PRDM11: variants seen among roughly 807,000 people sequenced by gnomAD.
The protein encoded by PRDM11 is PR/SET domain 11, also known as PR domain-containing protein 11.
In PRDM11, 20 loss-of-function variants were observed where a neutral mutation model predicts 97.8. That is an observed-to-expected ratio of 0.20 (90% CI 0.14 to 0.30). The LOEUF is 0.30. Among genes scored for constraint, PRDM11 ranks in the 10% least tolerant of loss-of-function variants. The pLI is 1.00. For synonymous variants in PRDM11, 599 were observed against 637.7 expected, an observed-to-expected ratio of 0.94 and a Z score of 0.91; for missense variants, 1,139 against 1,555.2, an observed-to-expected ratio of 0.73 and a Z score of 4.50.
At chr11:45,203,755 G>T (rs1853413334) in intron 4 of PRDM11, among the ~76,000 whole-genome samples, 1 of 151,916 alleles carries the variant, frequency 6.6e-6, no homozygotes, top group Admixed American at 6.6e-5. Flanking sequence ...CAAGTAGCTG[G>T]GACTACAGGT....
intron 6 of PRDM11, among the ~76,000 whole-genome samples, chr11:45,220,178 C>G (rs3758725): frequency 0.59 from 89,123 of 152,170 alleles, 28,244 homozygotes; most frequent in Non-Finnish European, 0.73. Context: ...AAGGACCCCA[C>G]TCTACCACCG....
At chr11:45,195,434 A>G (rs1853086344) in intron 4 of PRDM11, among the ~76,000 whole-genome samples, 1 of 151,402 alleles carries the variant, frequency 6.6e-6, no homozygotes, top group Admixed American at 6.6e-5. Context: ...GACCCTATGG[A>G]TTTTTCTATT....
intron 1 of PRDM11, among the ~76,000 whole-genome samples, chr11:45,152,720 GT>G (rs1489826040): frequency 2.6e-5 from 4 of 152,238 alleles, no homozygotes; most frequent in African/African-American, 9.6e-5. Context: ...CCATTCTACA[GT>G]TTAGGAAACT....
Position 45,226,757 on chromosome 11 carries a change from G to T in PRDM11, c.2132G>T (p.Arg711Leu). 2 of 1,533,940 alleles carry T rather than the reference G, an allele frequency of 1.3e-6. No homozygotes were observed. The highest frequency in any genetic ancestry group is 1.7e-6 in the Non-Finnish European group (2 of 1,146,732). ...STESYLQALD[R>L]AFSALGIRLQ... ...GAAAGCTATCTCCAGGCACTTGACCGGGCCTTCTCGGCCTTGGGCATCCGG... is the reference window on the plus strand; with the variant it reads ...GAAAGCTATCTCCAGGCACTTGACCTGGCCTTCTCGGCCTTGGGCATCCGG... Residue 711 changes from arginine to leucine, a missense_variant, in exon 8 of 8, where the codon CGG (arginine) becomes CTG (leucine). Arg to Leu is a moderately radical substitution (Grantham distance 102, BLOSUM62 -2). This residue lies in a region of PRDM11 where 710 missense variants were observed against 1,044.9 expected (regional missense o/e 0.68). Coordinates refer to ENST00000683152, the MANE Select transcript of PRDM11 (RefSeq NM_001384648.1).
intron 1 of PRDM11, 62 bp from the exon 2 acceptor site, chr11:45,181,699 C>T: frequency 7.0e-7 from 1 of 1,437,654 alleles, no homozygotes; most frequent in Non-Finnish European, 9.6e-7. Context: ...CTCCGCCGCT[C>T]ACTCCTCTTC....
At chr11:45,209,467 T>C (rs1853638635) in intron 5 of PRDM11, among the ~76,000 whole-genome samples, 1 of 152,200 alleles carries the variant, frequency 6.6e-6, no homozygotes, top group Non-Finnish European at 1.5e-5. Context: ...CCTTTTTGCA[T>C]TCATTCTCGA....
intron 1 of PRDM11, among the ~76,000 whole-genome samples, chr11:45,127,939 C>A (rs1463994301): frequency 6.6e-6 from 1 of 152,226 alleles, no homozygotes; most frequent in Non-Finnish European, 1.5e-5. Context: ...CTTTGCCCTG[C>A]CCCCAGAGGT....
chr11:45,220,898 GT>G (rs748207230), intron 6 of PRDM11, among the ~76,000 whole-genome samples: 1 of 151,676 alleles, frequency 6.6e-6, no homozygotes, highest in Non-Finnish European at 1.5e-5. Flanking sequence ...TTTCAAGGGT[GT>G]TTTTTTTGTT....
chr11:45,176,962 C>T (rs1187141662), intron 1 of PRDM11, among the ~76,000 whole-genome samples: 1 of 152,200 alleles, frequency 6.6e-6, no homozygotes, highest in South Asian at 2.1e-4. Flanking sequence ...AGACCCAGGG[C>T]TTGGGATTCC....
chr11:45,095,897 A>G (rs1185958418), exon 1 of PRDM11: 1 of 780,854 alleles, frequency 1.3e-6, no homozygotes, highest in East Asian at 2.4e-5. Context: ...TACCAGAGAG[A>G]GAAAGTAAGT....
At chr11:45,105,136 C>T (rs1004847190) in intron 1 of PRDM11, among the ~76,000 whole-genome samples, 1 of 152,222 alleles carries the variant, frequency 6.6e-6, no homozygotes. Flanking sequence ...GATGGCACTT[C>T]TTGCTGTATC....
intron 4 of PRDM11, among the ~76,000 whole-genome samples, chr11:45,184,034 A>C (rs1852614025): frequency 6.6e-6 from 1 of 152,232 alleles, no homozygotes; most frequent in South Asian, 2.1e-4. Context: ...GTGAACAACC[A>C]GGGGAGGTAA....
intron 1 of PRDM11, among the ~76,000 whole-genome samples, chr11:45,157,459 T>C (rs944724526): frequency 3.3e-5 from 5 of 152,124 alleles, no homozygotes; most frequent in African/African-American, 1.2e-4. Context: ...CTGCCACTCG[T>C]CTCCTGCTCT....
rs1854281972 is a variant in PRDM11 at position 45,226,657 on chromosome 11, G to A, written c.2032G>A (p.Val678Ile). The A allele has an allele frequency of 2.6e-6, 4 of 1,533,978 alleles. No homozygotes were observed. Among genetic ancestry groups the A allele is most frequent in the African/African-American group, 1.4e-5 (1 of 73,108 alleles). The change falls in exon 8 of 8, where the codon GTT becomes ATT. Residue 678 changes from valine (V) to isoleucine (I), a missense_variant. By Grantham distance (29) the Val-to-Ile change is conservative. Transcript: ENST00000683152. ...DLLADTVAVY[V>I]QYTSSDGPPA... The stretch of plus-strand genomic sequence containing the variant: ...GCTGGCCGACACGGTGGCTGTCTAT[G>A]TTCAGTACACCAGCAGTGATGGGCC...
chr11:45,107,270 C>T (rs1313679381), intron 1 of PRDM11, among the ~76,000 whole-genome samples: 2 of 152,226 alleles, frequency 1.3e-5, no homozygotes, highest in Non-Finnish European at 2.9e-5. Context: ...CACTGGTCTC[C>T]ACCATCTGTG....
chr11:45,185,799 A>G (rs1041791994), intron 4 of PRDM11, among the ~76,000 whole-genome samples: 11 of 152,168 alleles, frequency 7.2e-5, no homozygotes, highest in African/African-American at 2.7e-4. Context: ...TAAATATACT[A>G]TCTTCATGGC....
intron 4 of PRDM11, among the ~76,000 whole-genome samples, chr11:45,187,560 A>G (rs1852749993): frequency 6.6e-6 from 1 of 152,202 alleles, no homozygotes; most frequent in African/African-American, 2.4e-5. Context: ...AGTCACGAGT[A>G]GGCGTGGCCC....
intron 1 of PRDM11, among the ~76,000 whole-genome samples, chr11:45,180,696 C>CGGGCG (rs1852456538): frequency 6.7e-6 from 1 of 149,746 alleles, no homozygotes; most frequent in African/African-American, 2.4e-5. Flanking sequence ...TGGGCAGGGC[C>CGGGCG]GGGCGGGCCG....
chr11:45,161,812 C>G (rs1480527109), intron 1 of PRDM11, among the ~76,000 whole-genome samples: 2 of 152,252 alleles, frequency 1.3e-5, no homozygotes, highest in African/African-American at 4.8e-5. Flanking sequence ...GCTGCCTAAG[C>G]AGCTCCTTGC....
Sources: gnomAD v4.1 joint callset for allele counts (sites outside exome capture counted in the v4.1 genomes callset) on GRCh38, gnomAD v4.1.1 for gene constraint, gnomAD v4.1.1 regional missense constraint, MANE v1.5 for transcripts, NCBI Gene and HGNC (gene_info 2026-07-23, HGNC 2026-07-21) for gene names.